Variants in CFAP251 observed in about 807,000 individuals in gnomAD.
CFAP251 encodes cilia and flagella associated protein 251, also known as cilia- and flagella-associated protein 251.
A neutral mutation model predicts 126.7 loss-of-function variants in CFAP251; 93 were observed. The ratio of observed to expected loss-of-function variants is 0.73; its 90% confidence interval spans 0.62 to 0.87. CFAP251 has a LOEUF of 0.87. Among genes scored for constraint, CFAP251 ranks in the 40% least tolerant of loss-of-function variants. The pLI, the probability that CFAP251 is intolerant of heterozygous loss-of-function variation, is 0.00. For missense variants in CFAP251, 1,287 were observed against 1,389.2 expected (o/e 0.93, Z 1.17); for synonymous variants, 503 against 506.9 (o/e 0.99, Z 0.10).
At chr12:121,929,269 C>T (rs1296668498) in intron 3 of CFAP251, among the ~76,000 whole-genome samples, 4 of 148,134 alleles carry the variant, frequency 2.7e-5, no homozygotes, top group Non-Finnish European at 4.4e-5. Flanking sequence ...TGCAGTGAGC[C>T]GAGATCATGC....
At chr12:121,924,116 G>A (rs1454468303) in intron 3 of CFAP251, 126 bp downstream of exon 3, 3 of 1,096,918 alleles carry the variant, frequency 2.7e-6, no homozygotes, top group African/African-American at 1.5e-5. Context: ...TAATAGACTT[G>A]TGTTTTTTTT....
At chr12:121,981,587 C>G (rs1208109934) in intron 19 of CFAP251, among the ~76,000 whole-genome samples, 1 of 152,232 alleles carries the variant, frequency 6.6e-6, no homozygotes, top group East Asian at 1.9e-4. Context: ...GGAGGCCTTT[C>G]AAACCCAGGT....
At chr12:121,950,360 A>G (rs1881476976) in intron 8 of CFAP251, 1 of 152,194 alleles carries the variant, frequency 6.6e-6, no homozygotes, top group African/African-American at 2.4e-5. Context: ...TTTTGGGGTT[A>G]TGAAAATGTC....
At chr12:121,920,653 C>T (rs1372545981) in intron 1 of CFAP251, among the ~76,000 whole-genome samples, 1 of 152,146 alleles carries the variant, frequency 6.6e-6, no homozygotes, top group African/African-American at 2.4e-5. Flanking sequence ...GCGTCAGCCT[C>T]CCAAAGTGCT....
rs1405853677 is a variant in CFAP251, at chr12:121,942,921, G to A, written c.1137G>A (p.Leu379=). 6.2e-7 allele frequency: 1 copy of A among 1,614,068 alleles called. No individual in the cohort carries two copies. Among genetic ancestry groups the A allele is most frequent in the African/African-American group, 1.3e-5 (1 of 74,912 alleles). Residue 379 remains leucine, a synonymous_variant, in exon 7 of 22, where the codon TTG becomes TTA. Coordinates refer to ENST00000288912, the MANE Select transcript of CFAP251 (RefSeq NM_144668.6). Reference sequence around the variant, plus strand: ...AGGTATGCATCTGGAAGTGGACTTTGGCAGTGGAAACGCCAGCATGCACTC... The same window carrying A: ...AGGTATGCATCTGGAAGTGGACTTTAGCAGTGGAAACGCCAGCATGCACTC... ...VQKVCIWKWT[L]AVETPACTLE...
At chr12:121,941,031 A>G (rs768733926) in intron 5 of CFAP251, among the ~76,000 whole-genome samples, 11 of 151,610 alleles carry the variant, frequency 7.3e-5, no homozygotes, top group Admixed American at 1.3e-4. Flanking sequence ...TTTTATTTTT[A>G]TGTCTTTATT....
intron 19 of CFAP251, among the ~76,000 whole-genome samples, chr12:121,996,541 G>T (rs1030296756): frequency 6.6e-6 from 1 of 152,174 alleles, no homozygotes; most frequent in Non-Finnish European, 1.5e-5. Flanking sequence ...AAGGCGTCCT[G>T]TGAGGAGTCC....
chr12:121,940,382 A>T (rs1256815885), intron 5 of CFAP251, among the ~76,000 whole-genome samples: 2 of 152,168 alleles, frequency 1.3e-5, no homozygotes, highest in Non-Finnish European at 2.9e-5. Context: ...TTCTGGGGCT[A>T]CTTCTCAGTA....
At chr12:121,927,320 A>G (rs1880458946) in intron 3 of CFAP251, among the ~76,000 whole-genome samples, 1 of 151,058 alleles carries the variant, frequency 6.6e-6, no homozygotes, top group African/African-American at 2.4e-5. Context: ...TTTTTTTGAG[A>G]TGGAGTCTCA....
chr12:121,924,803 G>A (rs910585346), intron 3 of CFAP251, among the ~76,000 whole-genome samples: 5 of 152,076 alleles, frequency 3.3e-5, no homozygotes, highest in African/African-American at 9.7e-5. Context: ...ACTTGAGAGC[G>A]GCATCTGCGT....
Position 121,921,436 on chromosome 12 carries a change from C to T in CFAP251, c.131C>T (p.Thr44Ile). The change falls in exon 2 of 22, where the codon ACA becomes ATA. Residue 44 changes from threonine (T) to isoleucine (I), a missense_variant. By Grantham distance (89) the Thr-to-Ile change is moderately conservative. Transcript: ENST00000288912. Reference protein sequence around the residue: ...EDPQQESKDDTIAWRESQEEE... With the variant: ...EDPQQESKDDIIAWRESQEEE... ...CCACAACAGGAATCAAAAGATGACACAATAGCATGGAGAGAGTCTCAGGAG... is the reference window on the plus strand; with the variant it reads ...CCACAACAGGAATCAAAAGATGACATAATAGCATGGAGAGAGTCTCAGGAG... 1.2e-6 allele frequency: 2 copies of T among 1,612,682 alleles called. No homozygotes were observed. Among genetic ancestry groups the T allele is most frequent in the Non-Finnish European group, 1.7e-6 (2 of 1,179,878 alleles).
intron 4 of CFAP251, among the ~76,000 whole-genome samples, chr12:121,933,962 T>C (rs905850165): frequency 6.6e-6 from 1 of 152,110 alleles, no homozygotes. Context: ...AGGACCCAGA[T>C]GCTTATCCTC....
intron 14 of CFAP251, among the ~76,000 whole-genome samples, chr12:121,961,684 C>T (rs1291007611): frequency 6.6e-6 from 1 of 152,196 alleles, no homozygotes; most frequent in Non-Finnish European, 1.5e-5. Context: ...TCTGTTTTCT[C>T]ATCTGTAAAA....
At position 121,999,824 on chromosome 12, in the gene CFAP251, C is replaced by T; in HGVS notation, c.3115C>T (p.Pro1039Ser). The T allele has an allele frequency of 4.3e-6, 7 of 1,614,172 alleles. No individual in the cohort carries two copies. Among genetic ancestry groups the T allele is most frequent in the Non-Finnish European group, 5.1e-6 (6 of 1,180,008 alleles). The change falls in exon 20 of 22, where the codon CCA becomes TCA. Residue 1039 changes from proline (P) to serine (S), a missense_variant. Coordinates refer to ENST00000288912, the MANE Select transcript of CFAP251 (RefSeq NM_144668.6). ...DFLKVYLNHK[P>S]PFGNTMSGIH... is the part of the protein sequence containing the mutation. ...CCTAAAAGTGTACCTTAACCACAAG[C>T]CACCTTTTGGTAACACCATGAGTGG... is the stretch of plus-strand genomic sequence containing the variant.
intron 19 of CFAP251, among the ~76,000 whole-genome samples, chr12:121,980,408 CTT>C (rs548905552): frequency 4.2e-4 from 58 of 139,342 alleles, no homozygotes; most frequent in Non-Finnish European, 3.1e-4. Context: ...TCACTTCCTT[CTT>C]TTTTTTTTTT....
At chr12:121,921,165 T>G (rs1349184459) in intron 1 of CFAP251, 121 bp from the exon 2 acceptor site, 3 of 1,154,276 alleles carry the variant, frequency 2.6e-6, no homozygotes, top group Non-Finnish European at 3.6e-6. Flanking sequence ...ATGACATTCT[T>G]TTTATTCCTA....
At chr12:121,944,408 AT>A (rs1244537843) in intron 7 of CFAP251, among the ~76,000 whole-genome samples, 7 of 152,254 alleles carry the variant, frequency 4.6e-5, no homozygotes, top group Admixed American at 4.6e-4. Context: ...GGATTTTTCT[AT>A]TGCTGCAAAA....
intron 19 of CFAP251, among the ~76,000 whole-genome samples, chr12:121,990,859 T>C (rs1438422739): frequency 6.6e-6 from 1 of 152,224 alleles, no homozygotes; most frequent in Admixed American, 6.5e-5. Flanking sequence ...TGGAGCCTGT[T>C]AGTTCGCTTT....
At chr12:121,978,310 C>G (rs1045472655) in intron 19 of CFAP251, among the ~76,000 whole-genome samples, 3 of 138,764 alleles carry the variant, frequency 2.2e-5, no homozygotes, top group Admixed American at 7.8e-5. Flanking sequence ...AGGAGAATGG[C>G]GTGAACCCGG....
Sources: allele counts gnomAD v4.1 joint callset (sites outside exome capture counted in the v4.1 genomes callset), GRCh38; gene constraint gnomAD v4.1.1; transcripts MANE v1.5; gene names NCBI Gene and HGNC (gene_info 2026-07-23, HGNC 2026-07-21).